The following PIAS1 variants were observed in gnomAD, a reference collection of about 807,000 sequenced individuals.
PIAS1 encodes E3 SUMO-protein ligase PIAS1.
A neutral mutation model predicts 71.3 loss-of-function variants in PIAS1; 6 were observed. That is an observed-to-expected ratio of 0.08 (90% confidence interval 0.05 to 0.17). The LOEUF (loss-of-function observed/expected upper bound fraction) is 0.17, where lower values mean the gene tolerates loss of function less well. PIAS1 is among the 10% of genes least tolerant of loss of function. The pLI, the probability that PIAS1 is intolerant of heterozygous loss-of-function variation, is 1.00. For synonymous variants in PIAS1, 303 were observed against 292.9 expected (o/e 1.03, Z -0.35); for missense variants, 555 against 793.6 (o/e 0.70, Z 3.61).
chr15:68,145,773 C>A, intron 4 of PIAS1, 43 bp from the exon 5 acceptor site: 1 of 1,081,586 alleles, frequency 9.2e-7, no homozygotes, highest in Non-Finnish European at 1.4e-6. Context: ...CTAATGAAGT[C>A]ATCCTTTAAT....
intron 2 of PIAS1, among the ~76,000 whole-genome samples, chr15:68,096,843 C>T (rs181709081): frequency 1.1e-3 from 160 of 152,170 alleles, no homozygotes; most frequent in African/African-American, 3.8e-3. Flanking sequence ...TTTCTACATA[C>T]GTCATGTCAT....
chr15:68,175,493 A>G (rs982866860), intron 9 of PIAS1, 144 bp from the exon 10 acceptor site: 2 of 340,472 alleles, frequency 5.9e-6, no homozygotes, highest in African/African-American at 2.1e-5. Context: ...TCATGGTCAC[A>G]TGATATTTTC....
At chr15:68,110,705 C>T (rs1439376490) in intron 2 of PIAS1, among the ~76,000 whole-genome samples, 1 of 151,782 alleles carries the variant, frequency 6.6e-6, no homozygotes, top group Non-Finnish European at 1.5e-5. Context: ...CAAGGCTGCA[C>T]TCCAGTCTGG....
In PIAS1 at chr15:68,168,467, A is replaced by G. The variant is rs2092970657; in HGVS notation, c.1008+3663A>G. On this transcript the variant is annotated intron_variant, in intron 8 of 13. Transcript: ENST00000249636. ...ATCAGTTACTAATATAGATAGCACT[A>G]TTATTGTAAAGTTAGTGGCGTTAGA... 2.6e-5 allele frequency among the ~76,000 whole-genome samples: 4 copies of G among 152,178 alleles called. No homozygotes were observed. In the South Asian group the frequency reaches 8.3e-4, roughly 31 times the overall value.
At chr15:68,074,603 A>G (rs954482372) in intron 1 of PIAS1, among the ~76,000 whole-genome samples, 1 of 152,372 alleles carries the variant, frequency 6.6e-6, no homozygotes. Flanking sequence ...TTGACTGATT[A>G]TGATAAACCT....
At chr15:68,179,348 T>C (rs1218598619) in intron 11 of PIAS1, among the ~76,000 whole-genome samples, 1 of 152,152 alleles carries the variant, frequency 6.6e-6, no homozygotes, top group African/African-American at 2.4e-5. Context: ...AATCCTCTCT[T>C]ATAATCTCTT....
intron 6 of PIAS1, among the ~76,000 whole-genome samples, chr15:68,147,250 G>A (rs778271400): frequency 3.9e-5 from 6 of 152,086 alleles, no homozygotes; most frequent in East Asian, 3.8e-4. Context: ...TGTTATTTGC[G>A]TGCTCGTTAA....
At chr15:68,070,698 CATT>C (rs1384688724) in intron 1 of PIAS1, among the ~76,000 whole-genome samples, 1 of 131,242 alleles carries the variant, frequency 7.6e-6, no homozygotes, top group Non-Finnish European at 1.7e-5. Context: ...GAAAATATCT[CATT>C]AATGATTGAT....
rs1567083112 is a variant in PIAS1 at position 68,186,379 on chromosome 15, T to C, written c.1663-1163T>C. ...ATGTTAAAAATAGAGACTTACAGAA[T>C]AAGGATATAAAGAAGGAAATATTTT... On this transcript the variant is annotated intron_variant, in intron 13 of 13. Coordinates refer to ENST00000249636, the MANE Select transcript of PIAS1 (RefSeq NM_016166.3). The surrounding 1 kb of genome is among the most constrained non-coding windows in gnomAD (Gnocchi z 4.4). Among the ~76,000 whole-genome samples the C allele has an allele frequency of 6.6e-6, 1 of 152,210 alleles. No individual in the cohort carries two copies. Among genetic ancestry groups the C allele is most frequent in the Non-Finnish European group, 1.5e-5 (1 of 68,030 alleles).
intron 1 of PIAS1, among the ~76,000 whole-genome samples, chr15:68,063,597 T>G (rs181655389): frequency 9.7e-4 from 148 of 152,330 alleles, no homozygotes; most frequent in Admixed American, 4.2e-3. Flanking sequence ...TTATCACATA[T>G]GTGTGTATAT....
intron 1 of PIAS1, among the ~76,000 whole-genome samples, chr15:68,067,698 T>C (rs1305242917): frequency 6.6e-6 from 1 of 152,122 alleles, no homozygotes; most frequent in Non-Finnish European, 1.5e-5. Flanking sequence ...AAGAGAAAGC[T>C]AGGTTGCTTT....
In PIAS1 at chr15:68,186,193, G is replaced by A. The variant is rs2093086789; in HGVS notation, c.1663-1349G>A. On this transcript the variant is annotated intron_variant, in intron 13 of 13. Transcript: ENST00000249636. The surrounding 1 kb of genome is among the most constrained non-coding windows in gnomAD (Gnocchi z 4.4). ...AAGATTGTTGTCATAGCAAATGACA[G>A]CTCCATGCATGCTATTTTCCCTGAA... is the stretch of plus-strand genomic sequence containing the variant. 6.6e-6 allele frequency among the ~76,000 whole-genome samples: 1 copy of A among 152,218 alleles called. No homozygotes were observed. Among genetic ancestry groups the A allele is most frequent in the African/African-American group, 2.4e-5 (1 of 41,458 alleles).
At chr15:68,123,996 A>ACG (rs1555428713) in intron 2 of PIAS1, among the ~76,000 whole-genome samples, 2 of 151,672 alleles carry the variant, frequency 1.3e-5, no homozygotes, top group Non-Finnish European at 1.5e-5. Context: ...ACACACACAC[A>ACG]CGTATACATA....
chr15:68,065,894 C>A (rs1242610369), intron 1 of PIAS1, among the ~76,000 whole-genome samples: 1 of 129,638 alleles, frequency 7.7e-6, no homozygotes, highest in Non-Finnish European at 1.6e-5. Flanking sequence ...GTGCTTGCCA[C>A]CATGCTCAGC....
chr15:68,165,702 G>A (rs2092953299), intron 8 of PIAS1, among the ~76,000 whole-genome samples: 1 of 152,182 alleles, frequency 6.6e-6, no homozygotes, highest in African/African-American at 2.4e-5. Context: ...TCAAAAAAAT[G>A]TTATACTAAT....
chr15:68,091,386 T>TA (rs2092331655), intron 2 of PIAS1, among the ~76,000 whole-genome samples: 2 of 152,122 alleles, frequency 1.3e-5, no homozygotes, highest in Admixed American at 1.3e-4. Context: ...TCATGGTAAA[T>TA]AAAATAATAG....
At chr15:68,149,074 G>GTGTTT (rs898845929) in intron 6 of PIAS1, among the ~76,000 whole-genome samples, 3 of 152,134 alleles carry the variant, frequency 2.0e-5, no homozygotes, top group Non-Finnish European at 4.4e-5. Context: ...GAGTGTGGGT[G>GTGTTT]TGTTTTGTTT....
intron 2 of PIAS1, among the ~76,000 whole-genome samples, chr15:68,115,251 A>C (rs775037941): frequency 6.6e-6 from 1 of 152,096 alleles, no homozygotes; most frequent in African/African-American, 2.4e-5. Flanking sequence ...AATACTAAGG[A>C]GTGTGATTGT....
intron 6 of PIAS1, among the ~76,000 whole-genome samples, chr15:68,151,342 C>G (rs1253839034): frequency 6.6e-6 from 1 of 151,950 alleles, no homozygotes; most frequent in African/African-American, 2.4e-5. Flanking sequence ...TTTCACTGAA[C>G]TTGTTGCAGT....
Sources: gnomAD v4.1 joint callset for allele counts (sites outside exome capture counted in the v4.1 genomes callset) on GRCh38, gnomAD v4.1.1 for gene constraint, Gnocchi (gnomAD v3.1) non-coding constraint, MANE v1.5 for transcripts, NCBI Gene and HGNC (gene_info 2026-07-23, HGNC 2026-07-21) for gene names.